The following NR2F6 variants were observed in gnomAD, a reference collection of about 807,000 sequenced individuals.
The protein encoded by NR2F6 is ERBA-related gene-2.
In NR2F6, 16 loss-of-function variants were observed where a neutral mutation model predicts 26.5. That is an observed-to-expected ratio of 0.60 (90% CI 0.41 to 0.92). NR2F6 has a LOEUF of 0.92. Ranked by LOEUF, NR2F6 falls within the 40% of genes least tolerant of loss-of-function variation. The pLI is 0.00. For synonymous variants in NR2F6, 325 were observed against 305.0 expected, an observed-to-expected ratio of 1.07 and a Z score of -0.68; for missense variants, 536 against 631.7, an observed-to-expected ratio of 0.85 and a Z score of 1.62.
rs907027450 is a variant in NR2F6 at position 17,235,728 on chromosome 19, C to T, written c.711G>A (p.Leu237=). Residue 237 remains leucine (L), a synonymous_variant, in exon 3 of 4, where the codon CTG becomes CTA. Transcript: ENST00000291442. This position sits in a 1 kb window ranked among gnomAD's most constrained non-coding sequence, Gnocchi z 5.0. ...TCAGCACGAAGAGCTCGCTCCAGCT[C>T]AGGCGCAGCAGCGCCACCTGGTCGG... ...PVADQVALLR[L]SWSELFVLNA... 10 of 1,501,654 alleles carry T rather than the reference C, an allele frequency of 6.7e-6. No homozygotes were observed. Among genetic ancestry groups the T allele is most frequent in the Admixed American group, 6.5e-5 (3 of 46,458 alleles). The allele number at this position is 1,501,654 out of a possible 1,614,324, so 93.0% of individuals were successfully genotyped here. A position where few individuals can be genotyped will look rare whatever the true frequency, so the allele number is the denominator to read the frequency against.
intron 2 of NR2F6, among the ~76,000 whole-genome samples, chr19:17,237,688 G>C (rs1262133697): frequency 6.6e-6 from 1 of 152,272 alleles, no homozygotes; most frequent in East Asian, 1.9e-4. Flanking sequence ...GGGATTACAG[G>C]CGTGAGCCCC....
In NR2F6 at chr19:17,235,874, C is replaced by T. The variant is rs2145564226; in HGVS notation, c.565G>A (p.Gly189Arg). 6.8e-7 allele frequency: 1 copy of T among 1,465,302 alleles called. No individual in the cohort carries two copies. Among genetic ancestry groups the T allele is most frequent in the Middle Eastern group, 2.3e-4 (1 of 4,268 alleles). 90.8% of individuals were successfully genotyped at this position (1,465,302 alleles called of 1,614,324 possible). Reference sequence around the variant, plus strand: ...AGCACCGCGCCCGCCGCGCCGCCCCCTGCGCCGAAGCGTCCGGCCGCCGCA... The same window carrying T: ...AGCACCGCGCCCGCCGCGCCGCCCCTTGCGCCGAAGCGTCCGGCCGCCGCA... ...YPAAAGRFGA[G>R]GGAAGAVLGI... Residue 189 changes from glycine (G) to arginine (R), a missense_variant, in exon 3 of 4, where the codon GGG (glycine) becomes AGG (arginine). Gly to Arg is a moderately radical substitution (Grantham distance 125). Transcript: ENST00000291442. The surrounding 1 kb of genome is among the most constrained non-coding windows in gnomAD (Gnocchi z 5.0).
At position 17,232,686 on chromosome 19, in the gene NR2F6, G is replaced by A. The variant is rs558272882; in HGVS notation, c.941-60C>T. The A allele has an allele frequency of 2.9e-5, 43 of 1,492,702 alleles. No individual in the cohort carries two copies. In the Admixed American group the frequency reaches 6.5e-4, roughly 22 times the overall value. 92.5% of individuals were successfully genotyped at this position (1,492,702 alleles called of 1,614,324 possible). A position where few individuals can be genotyped will look rare whatever the true frequency, so the allele number is the denominator to read the frequency against. On this transcript the variant is annotated intron_variant, in intron 3 of 3. Transcript: ENST00000291442. Reference sequence around the variant, plus strand: ...GCAGCTAGAGAACACAGAGCCCACAGGGGTGACTAGGGGACACCACTCGCC... The same window carrying A: ...GCAGCTAGAGAACACAGAGCCCACAAGGGTGACTAGGGGACACCACTCGCC...
intron 2 of NR2F6, 34 bp from the exon 3 acceptor site, chr19:17,236,099 CGGGAGGGGAGGCGGGGGGGGGGG>C (rs1193218524): frequency 1.5e-4 from 7 of 45,366 alleles, no homozygotes; most frequent in Non-Finnish European, 2.0e-4. Flanking sequence ...GACATGGGGG[CGGGAGGGGAGGCGGGGGGGGGGG>C]GGGCGGGCAG....
intron 1 of NR2F6, among the ~76,000 whole-genome samples, chr19:17,241,098 G>A (rs1033956158): frequency 2.6e-5 from 4 of 152,202 alleles, no homozygotes; most frequent in Non-Finnish European, 5.9e-5. Flanking sequence ...CAGAGCAAAA[G>A]GGTTGAAATA....
Position 17,245,185 on chromosome 19 carries a change from G to GCCGCCC in NR2F6, c.35_36insGGGCGG (p.Gly12_Gly13dup). ...CCTTGTCCACGCCGTTCGTGTCGCC[G>GCCGCCC]CCGGGGCCGCCCCAGCCGCCGGTCA... On this transcript the variant is annotated inframe_insertion, in exon 1 of 4. Coordinates refer to ENST00000291442, the MANE Select transcript of NR2F6 (RefSeq NM_005234.4). This position sits in a 1 kb window ranked among gnomAD's most constrained non-coding sequence, Gnocchi z 5.0. 1 of 1,387,652 alleles carries GCCGCCC rather than the reference G, an allele frequency of 7.2e-7. No homozygotes were observed. The highest frequency in any genetic ancestry group is 9.4e-7 in the Non-Finnish European group (1 of 1,068,236). The allele number at this position is 1,387,652 out of a possible 1,614,324, so 86.0% of individuals were successfully genotyped here. A position where few individuals can be genotyped will look rare whatever the true frequency, so the allele number is the denominator to read the frequency against.
chr19:17,235,781 C>T lies in NR2F6; in HGVS notation c.658G>A (p.Ala220Thr). The T allele has an allele frequency of 6.7e-7, 1 of 1,496,556 alleles. No individual in the cohort carries two copies. Among genetic ancestry groups the T allele is most frequent in the Non-Finnish European group, 8.8e-7 (1 of 1,131,648 alleles). 92.7% of individuals were successfully genotyped at this position (1,496,556 alleles called of 1,614,324 possible). A position where few individuals can be genotyped will look rare whatever the true frequency, so the allele number is the denominator to read the frequency against. ...ACCGGCAGCTCGGGGAAGAAGGGCG[C>T]GTGGCGCGCCCACTCCACGGTGCTG... is the stretch of plus-strand genomic sequence containing the variant. ...LFSTVEWARH[A>T]PFFPELPVAD... Residue 220 changes from alanine to threonine, a missense_variant, in exon 3 of 4, where the codon GCG becomes ACG. Coordinates refer to ENST00000291442, the MANE Select transcript of NR2F6 (RefSeq NM_005234.4). The surrounding 1 kb of genome is among the most constrained non-coding windows in gnomAD (Gnocchi z 5.0).
At chr19:17,234,566 T>C (rs2073425367) in intron 3 of NR2F6, among the ~76,000 whole-genome samples, 1 of 152,136 alleles carries the variant, frequency 6.6e-6, no homozygotes, top group Admixed American at 6.6e-5. Flanking sequence ...GGAGAGATCT[T>C]TGTCTAAAGG....
chr19:17,234,020 C>G (rs948663682), intron 3 of NR2F6, among the ~76,000 whole-genome samples: 1 of 151,618 alleles, frequency 6.6e-6, no homozygotes, highest in Non-Finnish European at 1.5e-5. Context: ...GTCAGGAGTT[C>G]GAGATCAGCC....
At chr19:17,236,087 G>C in intron 2 of NR2F6, 22 bp from the exon 3 acceptor site, 1 of 1,088,174 alleles carries the variant, frequency 9.2e-7, no homozygotes, top group Non-Finnish European at 1.1e-6. Context: ...GGGGACAGGA[G>C]GGACATGGGG....
chr19:17,237,427 T>C (rs1269236722), intron 2 of NR2F6, among the ~76,000 whole-genome samples: 1 of 151,004 alleles, frequency 6.6e-6, no homozygotes, highest in Non-Finnish European at 1.5e-5. Context: ...CTCTCTCTCT[T>C]TTTGAGATAG....
intron 3 of NR2F6, among the ~76,000 whole-genome samples, chr19:17,234,084 G>A (rs543429283): frequency 1.3e-4 from 20 of 151,986 alleles, no homozygotes; most frequent in Non-Finnish European, 2.1e-4. Flanking sequence ...TTAGCCAGGC[G>A]TGGTGACGCG....
chr19:17,243,240 A>C (rs576294297), intron 1 of NR2F6, among the ~76,000 whole-genome samples: 1 of 152,152 alleles, frequency 6.6e-6, no homozygotes, highest in Non-Finnish European at 1.5e-5. Flanking sequence ...GGGACCCCAG[A>C]TCCCACAGAC....
In NR2F6 at chr19:17,235,559, G is replaced by A. The variant is rs994605622; in HGVS notation, c.880C>T (p.Arg294Cys). Residue 294 changes from arginine (R) to cysteine (C), a missense_variant, in exon 3 of 4, where the codon CGC becomes TGC. Transcript: ENST00000291442. This position sits in a 1 kb window ranked among gnomAD's most constrained non-coding sequence, Gnocchi z 5.0. ...TACTCGGCCGAGTCGACCTGCAGGC[G>A]GCCCAGCTTGTCCACCTGCTCCTGG... The part of the protein sequence containing the change: ...AFQEQVDKLG[R>C]LQVDSAEYGC... The A allele has an allele frequency of 1.0e-5, 16 of 1,594,616 alleles. No homozygotes were observed. Among genetic ancestry groups the A allele is most frequent in the African/African-American group, 4.0e-5 (3 of 74,666 alleles).
At chr19:17,239,475 T>A (rs1365420604) in intron 2 of NR2F6, among the ~76,000 whole-genome samples, 1 of 151,634 alleles carries the variant, frequency 6.6e-6, no homozygotes, top group Non-Finnish European at 1.5e-5. Context: ...GCTAACATGG[T>A]GAAACCCCGT....
chr19:17,236,342 A>G (rs779316317), intron 2 of NR2F6, among the ~76,000 whole-genome samples: 124 of 150,214 alleles, frequency 8.3e-4, no homozygotes, highest in Non-Finnish European at 1.5e-3. Flanking sequence ...CGGGAAAGGG[A>G]GACAAAAGTC....
Position 17,235,818 on chromosome 19 carries a change from C to T in NR2F6, c.621G>A (p.Ala207=), listed in dbSNP as rs1430495130. Residue 207 remains alanine, a synonymous_variant, in exon 3 of 4, where the codon GCG becomes GCA. Transcript: ENST00000291442. The surrounding 1 kb of genome is among the most constrained non-coding windows in gnomAD (Gnocchi z 5.0). The stretch of plus-strand genomic sequence containing the variant: ...ACTCCACGGTGCTGAAGAGCAGCCG[C>T]GCCGCCAGCTCGCACACGTTGTCGA... ...LGIDNVCELA[A]RLLFSTVEWA... is the part of the protein sequence containing the mutation. 1.4e-6 allele frequency: 2 copies of T among 1,479,724 alleles called. No homozygotes were observed. The highest frequency in any genetic ancestry group is 8.9e-7 in the Non-Finnish European group (1 of 1,123,940). 91.7% of individuals were successfully genotyped at this position (1,479,724 alleles called of 1,614,324 possible).
intron 3 of NR2F6, among the ~76,000 whole-genome samples, chr19:17,233,752 T>G (rs924823052): frequency 5.3e-5 from 8 of 151,732 alleles, no homozygotes; most frequent in African/African-American, 1.9e-4. Context: ...CACCTCGGCC[T>G]CCCAAAGTGC....
At chr19:17,240,551 C>T in intron 2 of NR2F6, 120 bp downstream of exon 2, 2 of 1,102,732 alleles carry the variant, frequency 1.8e-6, no homozygotes. Context: ...CTGTGAGGCA[C>T]CCAGACCCCT....
Sources: allele counts gnomAD v4.1 joint callset (sites outside exome capture counted in the v4.1 genomes callset), GRCh38; gene constraint gnomAD v4.1.1; non-coding constraint Gnocchi (gnomAD v3.1); transcripts MANE v1.5; gene names NCBI Gene and HGNC (gene_info 2026-07-23, HGNC 2026-07-21).